Variants in FARP2 observed in about 807,000 individuals in gnomAD.
FARP2 encodes the protein FERM, ARHGEF and pleckstrin domain-containing protein 2.
FARP2 carries 111 observed loss-of-function variants against 130.5 expected under a neutral mutation model. That is an observed-to-expected ratio of 0.85 (90% CI 0.73 to 1.00). FARP2 has a LOEUF of 1.00. Ranked by LOEUF, FARP2 falls within the 50% of genes least tolerant of loss-of-function variation. The probability of loss-of-function intolerance (pLI) is 0.00; values close to 1 mark genes in which losing one functional copy is unlikely to be tolerated. For synonymous variants in FARP2, 504 were observed against 516.9 expected (o/e 0.98, Z 0.34); for missense variants, 1,385 against 1,346.3 (o/e 1.03, Z -0.45).
At chr2:241,406,678 G>A (rs1042463174) in intron 4 of FARP2, among the ~76,000 whole-genome samples, 1 of 152,060 alleles carries the variant, frequency 6.6e-6, no homozygotes, top group African/African-American at 2.4e-5. Context: ...TGCGCAGGCT[G>A]GTCTGAAACT....
chr2:241,410,554 C>T (rs569292119), intron 5 of FARP2, among the ~76,000 whole-genome samples: 202 of 152,118 alleles, frequency 1.3e-3, no homozygotes, highest in Non-Finnish European at 2.2e-3. Flanking sequence ...CCTCAGCCTC[C>T]CAAGTAGCTG....
Position 241,441,511 on chromosome 2 carries a change from C to T in FARP2, c.1366C>T (p.Pro456Ser), listed in dbSNP as rs762944857. ...AGCAGTGGCTGGAGGCCCCGACACA[C>T]CATCGGCCCAGCCCCTCGGGCCCCC... ...SGAVAGGPDT[P>S]SAQPLGPPAL... The change falls in exon 13 of 27, where the codon CCA (proline) becomes TCA (serine). Residue 456 changes from proline (P) to serine (S), a missense_variant. Transcript: ENST00000264042. 3.1e-6 allele frequency: 5 copies of T among 1,614,102 alleles called. No individual in the cohort carries two copies. The highest frequency in any genetic ancestry group is 4.2e-6 in the Non-Finnish European group (5 of 1,180,038).
At chr2:241,445,168 G>T (rs778566542) in intron 13 of FARP2, 2 of 145,862 alleles carry the variant, frequency 1.4e-5, no homozygotes, top group Non-Finnish European at 3.0e-5. Context: ...CTGGGCTCCA[G>T]CAGTCCTCCT....
At chr2:241,485,056 T>C (rs2064717651) in intron 21 of FARP2, among the ~76,000 whole-genome samples, 1 of 152,088 alleles carries the variant, frequency 6.6e-6, no homozygotes, top group Non-Finnish European at 1.5e-5. Flanking sequence ...CCTCTTGGCT[T>C]ATTTGCCTTG....
chr2:241,444,782 T>C (rs1047650089), intron 13 of FARP2: 2 of 152,236 alleles, frequency 1.3e-5, no homozygotes, highest in Non-Finnish European at 2.9e-5. Context: ...GATAATTCTT[T>C]AGTTTTTTAT....
At chr2:241,478,552 T>C in intron 19 of FARP2, 2 of 453,078 alleles carry the variant, frequency 4.4e-6, no homozygotes, top group Non-Finnish European at 4.5e-6. Flanking sequence ...ATGAAACTGT[T>C]GCCTATTTAA....
chr2:241,474,854 A>G (rs373392372), intron 18 of FARP2, among the ~76,000 whole-genome samples: 15 of 150,588 alleles, frequency 1.0e-4, no homozygotes, highest in African/African-American at 3.2e-4. Context: ...AAGAAGGGGG[A>G]AAGTGGTCCC....
chr2:241,463,403 C>T lies in FARP2; in HGVS notation c.1746C>T (p.Asn582=). Residue 582 remains asparagine (N), a synonymous_variant, in exon 16 of 27, where the codon AAC becomes AAT. Coordinates refer to ENST00000264042, the MANE Select transcript of FARP2 (RefSeq NM_014808.4). ...PATLMTLLFS[N]IDPIYEFHRG... ...CTCTGATGACGCTGCTCTTCTCCAA[C>T]ATCGATCCCATCTATGAGTTCCACA... is the stretch of plus-strand genomic sequence containing the variant. 6.2e-7 allele frequency: 1 copy of T among 1,614,172 alleles called. No homozygotes were observed. Among genetic ancestry groups the T allele is most frequent in the Non-Finnish European group, 8.5e-7 (1 of 1,180,042 alleles).
chr2:241,474,073 G>C (rs1429275699), intron 18 of FARP2, among the ~76,000 whole-genome samples: 1 of 151,024 alleles, frequency 6.6e-6, no homozygotes, highest in Non-Finnish European at 1.5e-5. Flanking sequence ...TTGGGAGGCC[G>C]AGGCTGGCAG....
rs747657689 is a variant in FARP2 at position 241,494,016 on chromosome 2, A to T, written c.3056A>T (p.Glu1019Val). ...GCCGCCCTCTCCTCCAGGTGGATGG[A>T]GGTGATCCAGGGGGCCAGCAGCTCA... ...ESKYTFERWM[E>V]VIQGASSSAG... is the part of the protein sequence containing the mutation. Residue 1019 changes from glutamate to valine, a missense_variant, in exon 27 of 27, where the codon GAG (glutamate) becomes GTG (valine). By Grantham distance (121) the Glu-to-Val change is moderately radical. Transcript: ENST00000264042. The surrounding 1 kb of genome is among the most constrained non-coding windows in gnomAD (Gnocchi z 4.9). 5.8e-5 allele frequency: 81 copies of T among 1,392,198 alleles called. No homozygotes were observed. Among genetic ancestry groups the T allele is most frequent in the Non-Finnish European group, 7.2e-5 (77 of 1,070,526 alleles). 86.2% of individuals were successfully genotyped at this position (1,392,198 alleles called of 1,614,324 possible).
chr2:241,415,232 A>T (rs373009306), intron 7 of FARP2, among the ~76,000 whole-genome samples: 27 of 152,030 alleles, frequency 1.8e-4, no homozygotes, highest in African/African-American at 6.5e-4. Flanking sequence ...TCTCCCAGGT[A>T]CCCTTGGCTT....
chr2:241,475,671 T>C lies in FARP2; in HGVS notation c.2132-186T>C, dbSNP rs13422793. On this transcript the variant is annotated intron_variant, in intron 18 of 26. Transcript: ENST00000264042. This position sits in a 1 kb window ranked among gnomAD's most constrained non-coding sequence, Gnocchi z 4.4. ...CTACCACCTCTGGTCTGTGGAAAAA[T>C]TGTCTTCCATGAAACCCATCCCTGG... Among the ~76,000 whole-genome samples the C allele has an allele frequency of 0.2, 29,929 of 152,116 alleles. 3,165 individuals carry two copies. The highest frequency in any genetic ancestry group is 0.26 in the Middle Eastern group (77 of 294).
chr2:241,441,609 G>A (rs752052125), intron 13 of FARP2, 53 bp downstream of exon 13: 4 of 1,612,932 alleles, frequency 2.5e-6, no homozygotes, highest in East Asian at 2.2e-5. Context: ...GTGCTGGGGG[G>A]CAGAGTTTCA....
At chr2:241,358,642 C>A (rs1300670493) in intron 1 of FARP2, among the ~76,000 whole-genome samples, 1 of 152,212 alleles carries the variant, frequency 6.6e-6, no homozygotes, top group Non-Finnish European at 1.5e-5. Flanking sequence ...CCCCTTTACT[C>A]AGTGCGTCAT....
intron 19 of FARP2, 82 bp from the exon 20 acceptor site, chr2:241,483,383 C>T: frequency 8.4e-7 from 1 of 1,187,732 alleles, no homozygotes; most frequent in Non-Finnish European, 1.3e-6. Flanking sequence ...GGCCACAAGG[C>T]TATTCCTGAC....
intron 2 of FARP2, among the ~76,000 whole-genome samples, chr2:241,392,305 G>T (rs374412789): frequency 6.6e-6 from 1 of 152,234 alleles, no homozygotes; most frequent in Non-Finnish European, 1.5e-5. Flanking sequence ...GGCAAAGCCA[G>T]CTTGTGTAAA....
chr2:241,362,899 C>G (rs1434503295), intron 1 of FARP2, among the ~76,000 whole-genome samples: 1 of 152,228 alleles, frequency 6.6e-6, no homozygotes, highest in Non-Finnish European at 1.5e-5. Flanking sequence ...ATGATAACCA[C>G]TATAAATGTA....
intron 17 of FARP2, chr2:241,466,706 C>A: frequency 4.6e-6 from 3 of 653,728 alleles, no homozygotes; most frequent in Non-Finnish European, 5.7e-6. Flanking sequence ...CCCCCACCAC[C>A]ACCACCCGTA....
At chr2:241,428,261 G>A (rs75386278) in intron 8 of FARP2, among the ~76,000 whole-genome samples, 4,626 of 138,776 alleles carry the variant, frequency 0.033, 467 homozygotes, top group Admixed American at 0.2. Context: ...TTGAGACGGA[G>A]TCTCCCTTTG....
Sources: gnomAD v4.1 joint callset for allele counts (sites outside exome capture counted in the v4.1 genomes callset) on GRCh38, gnomAD v4.1.1 for gene constraint, Gnocchi (gnomAD v3.1) non-coding constraint, MANE v1.5 for transcripts, NCBI Gene and HGNC (gene_info 2026-07-23, HGNC 2026-07-21) for gene names.